Variants in NEDD4 observed in about 807,000 individuals in gnomAD.
NEDD4 encodes the protein E3 ubiquitin-protein ligase NEDD4.
NEDD4 carries 99 observed loss-of-function variants against 144.9 expected under a neutral mutation model. The ratio of observed to expected loss-of-function variants is 0.68; its 90% CI spans 0.58 to 0.81. The LOEUF is 0.81. Among genes scored for constraint, NEDD4 ranks in the 30% least tolerant of loss-of-function variants. The probability of loss-of-function intolerance (pLI) is 0.00; values close to 1 mark genes in which losing one functional copy is unlikely to be tolerated. For synonymous variants in NEDD4, 318 were observed against 350.6 expected (o/e 0.91, Z 1.04); for missense variants, 985 against 1,065.9 (o/e 0.92, Z 1.06).
chr15:55,861,400 G>A (rs1460451894), intron 9 of NEDD4, among the ~76,000 whole-genome samples: 5 of 151,700 alleles, frequency 3.3e-5, no homozygotes, highest in African/African-American at 9.7e-5. Flanking sequence ...GCTTAGGAGA[G>A]GTACAATAAA....
intron 4 of NEDD4, among the ~76,000 whole-genome samples, chr15:55,929,832 G>A (rs1248025031): frequency 1.3e-5 from 2 of 151,954 alleles, no homozygotes; most frequent in African/African-American, 4.8e-5. Context: ...AAAACTATAA[G>A]GAGTATCCTT....
At chr15:55,867,743 T>C (rs1356115721) in intron 8 of NEDD4, among the ~76,000 whole-genome samples, 1 of 152,190 alleles carries the variant, frequency 6.6e-6, no homozygotes, top group Admixed American at 6.5e-5. Context: ...CTATCTATAC[T>C]CTGTGATTTG....
chr15:55,859,859 G>T (rs1189745731), intron 11 of NEDD4, among the ~76,000 whole-genome samples: 2 of 152,068 alleles, frequency 1.3e-5, no homozygotes, highest in Non-Finnish European at 2.9e-5. Context: ...CATGAACATT[G>T]TCCAAGCCAC....
At chr15:55,967,377 TATC>T (rs2037531674) in intron 1 of NEDD4, among the ~76,000 whole-genome samples, 2 of 151,822 alleles carry the variant, frequency 1.3e-5, no homozygotes, top group African/African-American at 4.8e-5. Flanking sequence ...AGGAATAAAG[TATC>T]ATAAAGCTTG....
At chr15:55,963,666 G>A (rs1424272260) in intron 2 of NEDD4, among the ~76,000 whole-genome samples, 1 of 152,042 alleles carries the variant, frequency 6.6e-6, no homozygotes, top group South Asian at 2.1e-4. Context: ...ATTTTAAAAA[G>A]GTATGATGAG....
At chr15:55,848,973 G>T in intron 14 of NEDD4, 87 bp from the exon 15 acceptor site, 1 of 974,414 alleles carries the variant, frequency 1.0e-6, no homozygotes, top group Non-Finnish European at 1.6e-6. Flanking sequence ...TAACATCAAT[G>T]GATATTTAAA....
In NEDD4 at chr15:55,925,320, A is replaced by C. The variant is rs567074940; in HGVS notation, c.238-621T>G. On this transcript the variant is annotated intron_variant, in intron 4 of 28. Transcript: ENST00000435532. ...TTGCAAACGCTTATAAATACAGATT[A>C]GATTTTGACACCTTATGATCAGTTT... Among the ~76,000 whole-genome samples, 18 of 152,340 alleles carry C rather than the reference A, an allele frequency of 1.2e-4. No individual in the cohort carries two copies. The East Asian group carries it at 3.3e-3, about 28-fold the overall frequency.
At chr15:55,948,261 T>C (rs1264782568) in intron 4 of NEDD4, among the ~76,000 whole-genome samples, 11 of 152,152 alleles carry the variant, frequency 7.2e-5, no homozygotes, top group African/African-American at 2.7e-4. Context: ...GAAGGACCTC[T>C]TCAAGGAGAA....
chr15:55,966,216 G>T (rs1334157859), intron 2 of NEDD4, among the ~76,000 whole-genome samples: 2 of 152,178 alleles, frequency 1.3e-5, no homozygotes, highest in African/African-American at 4.8e-5. Context: ...TAGTCTGTTA[G>T]AATTTTGCAA....
chr15:55,855,972 T>G lies in NEDD4; in HGVS notation c.1026+159A>C, dbSNP rs559120002. 2.0e-5 allele frequency among the ~76,000 whole-genome samples: 3 copies of G among 152,294 alleles called. No homozygotes were observed. In the East Asian group the frequency reaches 5.8e-4, roughly 29 times the overall value. On this transcript the variant is annotated intron_variant, in intron 12 of 28. Transcript: ENST00000435532. Reference sequence around the variant, plus strand: ...ATGGGAGAGACGGTTCTCCATGTTTTGTCTTTAAGCCCCTTCCCTGAACAT... The same window carrying G: ...ATGGGAGAGACGGTTCTCCATGTTTGGTCTTTAAGCCCCTTCCCTGAACAT...
At chr15:55,867,306 T>A (rs978406619) in intron 8 of NEDD4, among the ~76,000 whole-genome samples, 3 of 152,132 alleles carry the variant, frequency 2.0e-5, no homozygotes, top group Non-Finnish European at 4.4e-5. Context: ...GGGCCTTTCA[T>A]AAATAAACTC....
chr15:55,929,723 T>A (rs1340803604), intron 4 of NEDD4, among the ~76,000 whole-genome samples: 1 of 152,194 alleles, frequency 6.6e-6, no homozygotes, highest in Non-Finnish European at 1.5e-5. Context: ...TTATCACTGT[T>A]AAGTATGATA....
At position 55,971,311 on chromosome 15, in the gene NEDD4, T is replaced by C. The variant is rs552711442; in HGVS notation, c.46-4765A>G. On this transcript the variant is annotated intron_variant, in intron 1 of 28. Transcript: ENST00000435532. ...AAGCATGCCTACAGGATCTAGAAAATAGCCTCAAAAGGGCAAAGTTAACAG... is the reference window on the plus strand; with the variant it reads ...AAGCATGCCTACAGGATCTAGAAAACAGCCTCAAAAGGGCAAAGTTAACAG... Among the ~76,000 whole-genome samples the C allele has an allele frequency of 9.9e-5, 15 of 152,054 alleles. No homozygotes were observed. The South Asian group carries it at 2.7e-3, about 27-fold the overall frequency.
At position 55,993,516 on chromosome 15, in the gene NEDD4, C is replaced by T. The variant is rs2038023715; in HGVS notation, c.40G>A (p.Asp14Asn). 3.1e-6 allele frequency: 5 copies of T among 1,598,526 alleles called. No homozygotes were observed. Among genetic ancestry groups the T allele is most frequent in the Non-Finnish European group, 4.3e-6 (5 of 1,174,558 alleles). ...CAVEVFGLLE[D>N]EENSRIVRVR... The stretch of plus-strand genomic sequence containing the variant: ...CAGCCCCGCGGTCCCCGCACCTCGT[C>T]CTCCAGGAGCCCGAACACCTCCACC... The change falls in exon 1 of 29, where the codon GAC becomes AAC. Residue 14 changes from aspartate (D) to asparagine (N), a missense_variant. Transcript: ENST00000435532.
chr15:55,887,042 GA>G (rs1196669431), intron 5 of NEDD4, among the ~76,000 whole-genome samples: 1 of 141,728 alleles, frequency 7.1e-6, no homozygotes, highest in African/African-American at 2.6e-5. Context: ...CATCAAAAAA[GA>G]AAAAAAAAAC....
intron 5 of NEDD4, among the ~76,000 whole-genome samples, chr15:55,885,246 A>G (rs1342328964): frequency 1.3e-5 from 2 of 152,218 alleles, no homozygotes; most frequent in African/African-American, 4.8e-5. Flanking sequence ...TTCACAGACA[A>G]ACAAAACCTG....
At position 55,834,259 on chromosome 15, in the gene NEDD4, G is replaced by C; in HGVS notation, c.2290C>G (p.Leu764Val). The C allele has an allele frequency of 6.2e-7, 1 of 1,608,430 alleles. No individual in the cohort carries two copies. The highest frequency in any genetic ancestry group is 1.1e-5 in the South Asian group (1 of 90,936). Residue 764 changes from leucine to valine, a missense_variant, in exon 25 of 29, where the codon CTC becomes GTC. By Grantham distance (32) the Leu-to-Val change is conservative (BLOSUM62 1). Transcript: ENST00000435532. ...EGFFELIPQD[L>V]IKIFDENELE... Reference sequence around the variant, plus strand: ...TCATTTTCATCAAAAATTTTGATGAGATCCTGTGGTATTAGTTCAAAGAAT... The same window carrying C: ...TCATTTTCATCAAAAATTTTGATGACATCCTGTGGTATTAGTTCAAAGAAT...
chr15:55,986,637 T>C (rs1455914582), intron 1 of NEDD4, among the ~76,000 whole-genome samples: 1 of 134,014 alleles, frequency 7.5e-6, no homozygotes, highest in African/African-American at 2.9e-5. Flanking sequence ...TCGCCGAGGC[T>C]GGAGTGCAGT....
intron 5 of NEDD4, among the ~76,000 whole-genome samples, chr15:55,923,518 G>A (rs1344287683): frequency 6.6e-6 from 1 of 151,884 alleles, no homozygotes; most frequent in African/African-American, 2.4e-5. Context: ...GTGGTGGTGA[G>A]CGCCTGTGGT....
Sources: gnomAD v4.1 joint callset for allele counts (sites outside exome capture counted in the v4.1 genomes callset) on GRCh38, gnomAD v4.1.1 for gene constraint, MANE v1.5 for transcripts, NCBI Gene and HGNC (gene_info 2026-07-23, HGNC 2026-07-21) for gene names.